The following NXN variants were observed in gnomAD, a reference collection of about 807,000 sequenced individuals.
The protein encoded by NXN is nucleoredoxin.
NXN carries 16 observed loss-of-function variants against 48.6 expected under a neutral mutation model. The observed-to-expected ratio is 0.33, with a 90% CI of 0.22 to 0.50. The LOEUF (loss-of-function observed/expected upper bound fraction) is 0.50, where lower values mean the gene tolerates loss of function less well. Among genes scored for constraint, NXN ranks in the 20% least tolerant of loss-of-function variants. NXN has a pLI of 0.98. For synonymous variants in NXN, 281 were observed against 269.6 expected (o/e 1.04, Z -0.41); for missense variants, 492 against 605.5 (o/e 0.81, Z 1.97).
Position 819,420 on chromosome 17 carries a change from C to A in NXN, c.820+19G>T, listed in dbSNP as rs764839342. 5 of 1,601,194 alleles carry A rather than the reference C, an allele frequency of 3.1e-6. No homozygotes were observed. In the Admixed American group the frequency reaches 8.3e-5, roughly 27 times the overall value. On this transcript the variant is annotated intron_variant, in intron 5 of 7. Transcript: ENST00000336868. ...CAGGTTTCCAGGAGCCACACGGAGC[C>A]GGGGCCTGGAGCGCCTACCTTGGAT... is the stretch of plus-strand genomic sequence containing the variant.
chr17:965,351 G>A (rs1227704345), intron 1 of NXN, among the ~76,000 whole-genome samples: 1 of 152,140 alleles, frequency 6.6e-6, no homozygotes, highest in Non-Finnish European at 1.5e-5. Flanking sequence ...AGACCTTCCG[G>A]CTTACTTTAG....
At chr17:861,757 A>ATT (rs61633734) in intron 1 of NXN, among the ~76,000 whole-genome samples, 3 of 147,794 alleles carry the variant, frequency 2.0e-5, no homozygotes, top group African/African-American at 7.4e-5. Flanking sequence ...ACAGCAATAG[A>ATT]TTTTTTTTTT....
At chr17:901,764 A>G (rs560008071) in intron 1 of NXN, among the ~76,000 whole-genome samples, 1 of 152,168 alleles carries the variant, frequency 6.6e-6, no homozygotes, top group African/African-American at 2.4e-5. Flanking sequence ...CAGTGGCGCA[A>G]TCTCAGCTCA....
At chr17:819,885 C>T (rs1286095750) in intron 4 of NXN, among the ~76,000 whole-genome samples, 3 of 152,144 alleles carry the variant, frequency 2.0e-5, no homozygotes, top group South Asian at 2.1e-4. Flanking sequence ...ACTGCATACC[C>T]GCGGGAGTTC....
At chr17:908,323 G>T (rs1264362331) in intron 1 of NXN, among the ~76,000 whole-genome samples, 1 of 152,032 alleles carries the variant, frequency 6.6e-6, no homozygotes, top group African/African-American at 2.4e-5. Flanking sequence ...GGATCATGAG[G>T]TCAAGAGTTT....
intron 1 of NXN, among the ~76,000 whole-genome samples, chr17:931,444 C>A (rs531342344): frequency 1.2e-4 from 18 of 148,630 alleles, no homozygotes; most frequent in African/African-American, 2.7e-4. Context: ...AGAGCAAGGC[C>A]CTGTCTCAAA....
chr17:844,542 A>C (rs1449862598), intron 1 of NXN, among the ~76,000 whole-genome samples: 1 of 152,134 alleles, frequency 6.6e-6, no homozygotes, highest in Non-Finnish European at 1.5e-5. Flanking sequence ...AAAAATACAA[A>C]TATATGGTAG....
chr17:903,891 C>A (rs534042825), intron 1 of NXN, among the ~76,000 whole-genome samples: 38 of 152,186 alleles, frequency 2.5e-4, no homozygotes, highest in African/African-American at 8.7e-4. Flanking sequence ...CGGCCCCCTC[C>A]GAAGCCAACC....
In NXN at chr17:917,589, G is replaced by C. The variant is rs936463266; in HGVS notation, c.360+61730C>G. ...CACCCACTCTTTGAACTTAGCACTG[G>C]TGTCTACAGGCTCGATTCCCAGCTC... is the stretch of plus-strand genomic sequence containing the variant. On this transcript the variant is annotated intron_variant, in intron 1 of 7. Transcript: ENST00000336868. The surrounding 1 kb of genome is among the most constrained non-coding windows in gnomAD (Gnocchi z 4.5). Among the ~76,000 whole-genome samples, 1 of 152,192 alleles carries C rather than the reference G, an allele frequency of 6.6e-6. No homozygotes were observed. Among genetic ancestry groups the C allele is most frequent in the East Asian group, 1.9e-4 (1 of 5,190 alleles).
chr17:909,328 A>T (rs2144917690), intron 1 of NXN, among the ~76,000 whole-genome samples: 1 of 152,228 alleles, frequency 6.6e-6, no homozygotes, highest in Middle Eastern at 3.4e-3. Flanking sequence ...GGCATGAAAC[A>T]GAGAGATTTT....
intron 1 of NXN, among the ~76,000 whole-genome samples, chr17:940,082 G>C (rs902883713): frequency 5.9e-5 from 9 of 151,918 alleles, no homozygotes; most frequent in African/African-American, 2.2e-4. Flanking sequence ...CACAGGCACA[G>C]GCCACCACGC....
intron 1 of NXN, among the ~76,000 whole-genome samples, chr17:914,562 AG>A (rs144616891): frequency 0.14 from 21,125 of 152,218 alleles, 1,799 homozygotes; most frequent in East Asian, 0.26. Context: ...TGGTAGCGCA[AG>A]CAAGGTTCCT....
intron 1 of NXN, among the ~76,000 whole-genome samples, chr17:973,186 G>A (rs1289252940): frequency 1.3e-5 from 2 of 152,202 alleles, no homozygotes; most frequent in African/African-American, 4.8e-5. Flanking sequence ...TGCTAACTGG[G>A]AGATGAGTAC....
chr17:885,262 A>G (rs1362333603), intron 1 of NXN, among the ~76,000 whole-genome samples: 2 of 152,016 alleles, frequency 1.3e-5, no homozygotes, highest in Non-Finnish European at 2.9e-5. Context: ...AGAGGTTGAG[A>G]CCAGCCTGGC....
intron 1 of NXN, among the ~76,000 whole-genome samples, chr17:947,536 C>T (rs1172712387): frequency 2.6e-5 from 4 of 151,824 alleles, no homozygotes; most frequent in East Asian, 1.9e-4. Flanking sequence ...AGTTCGAGAC[C>T]AGCCTGGCCA....
intron 1 of NXN, among the ~76,000 whole-genome samples, chr17:960,238 G>A (rs1455011879): frequency 6.6e-6 from 1 of 152,196 alleles, no homozygotes; most frequent in Non-Finnish European, 1.5e-5. Flanking sequence ...GTTTAATACA[G>A]TGCCATCTAT....
Position 978,978 on chromosome 17 carries a change from A to G in NXN, c.360+341T>C, listed in dbSNP as rs1251285349. Among the ~76,000 whole-genome samples, 1 of 150,266 alleles carries G rather than the reference A, an allele frequency of 6.7e-6. No individual in the cohort carries two copies. Among genetic ancestry groups the G allele is most frequent in the African/African-American group, 2.5e-5 (1 of 40,772 alleles). ...GCAGCCGCCCCCACCCGAGGCTCCC[A>G]GCGTGTGCGGACGGAGGGGCTCGAG... On this transcript the variant is annotated intron_variant, in intron 1 of 7. Coordinates refer to ENST00000336868, the MANE Select transcript of NXN (RefSeq NM_022463.5). The surrounding 1 kb of genome is among the most constrained non-coding windows in gnomAD (Gnocchi z 4.1).
At chr17:850,901 G>A (rs964546590) in intron 1 of NXN, among the ~76,000 whole-genome samples, 9 of 152,158 alleles carry the variant, frequency 5.9e-5, no homozygotes, top group Non-Finnish European at 8.8e-5. Context: ...ACGGGCAGAG[G>A]GTGGAGTTTC....
intron 1 of NXN, among the ~76,000 whole-genome samples, chr17:923,923 T>C (rs1026146155): frequency 2.0e-5 from 3 of 152,222 alleles, no homozygotes; most frequent in Admixed American, 6.5e-5. Flanking sequence ...ACGACAGGTA[T>C]ATAGTTAAAC....
Sources: gnomAD v4.1 joint callset for allele counts (sites outside exome capture counted in the v4.1 genomes callset) on GRCh38, gnomAD v4.1.1 for gene constraint, Gnocchi (gnomAD v3.1) non-coding constraint, MANE v1.5 for transcripts, NCBI Gene and HGNC (gene_info 2026-07-23, HGNC 2026-07-21) for gene names.